The following CHL1 variants were observed in gnomAD, a reference collection of about 807,000 sequenced individuals.
The protein encoded by CHL1 is cell adhesion molecule L1 like, also known as neural cell adhesion molecule L1-like protein.
Under a neutral mutation model 141.9 loss-of-function variants are expected in CHL1, and 96 were observed. The ratio of observed to expected loss-of-function variants is 0.68; its 90% CI spans 0.57 to 0.80. The LOEUF is 0.80. CHL1 is among the 30% of genes least tolerant of loss of function. The pLI is 0.00. For synonymous variants in CHL1, 613 were observed against 502.2 expected (o/e 1.22, Z -2.95); for missense variants, 1,820 against 1,457.2 (o/e 1.25, Z -4.05).
intron 5 of CHL1, 141 bp from the exon 6 acceptor site, chr3:340,652 AG>A: frequency 1.5e-6 from 1 of 662,692 alleles, no homozygotes; most frequent in Non-Finnish European, 2.5e-6. Flanking sequence ...TTAACTCTGA[AG>A]GGGAGATGTA....
intron 2 of CHL1, among the ~76,000 whole-genome samples, chr3:314,087 T>A (rs1238018668): frequency 6.6e-6 from 1 of 151,922 alleles, no homozygotes; most frequent in Non-Finnish European, 1.5e-5. Context: ...TTTTTTCTGT[T>A]TGTTTTTTAT....
At chr3:308,510 T>C (rs557672008) in intron 2 of CHL1, among the ~76,000 whole-genome samples, 1 of 151,948 alleles carries the variant, frequency 6.6e-6, no homozygotes, top group South Asian at 2.1e-4. Flanking sequence ...TTGGGAGATA[T>C]AGATAGACAG....
At chr3:331,592 A>T (rs1376810352) in intron 5 of CHL1, among the ~76,000 whole-genome samples, 2 of 152,246 alleles carry the variant, frequency 1.3e-5, no homozygotes, top group African/African-American at 4.8e-5. Flanking sequence ...AATCATCAAG[A>T]ATACATTCTC....
At chr3:330,451 T>A (rs1341009823) in intron 5 of CHL1, among the ~76,000 whole-genome samples, 1 of 152,034 alleles carries the variant, frequency 6.6e-6, no homozygotes, top group Admixed American at 6.6e-5. Flanking sequence ...AATGAGCTAA[T>A]TTAAGGCAAC....
chr3:309,385 TTCCTTCC>T (rs565254515), intron 2 of CHL1: 7,312 of 141,126 alleles, frequency 0.052, 344 homozygotes, highest in African/African-American at 0.13. Flanking sequence ...CCTTCCTTCC[TTCCTTCC>T]TCCTTCCTTC....
chr3:389,253 C>T lies in CHL1; in HGVS notation c.2249C>T (p.Pro750Leu). Residue 750 changes from proline to leucine, a missense_variant and splice_region_variant, in exon 20 of 28, where the codon CCT becomes CTT. Physicochemically the swap from Pro to Leu is moderately conservative, Grantham distance 98. Coordinates refer to ENST00000256509, the MANE Select transcript of CHL1 (RefSeq NM_006614.4). The part of the protein sequence containing the change: ...QPKEMIIKWE[P>L]LKSMEQNGPG... The stretch of plus-strand genomic sequence containing the variant: ...AATGAGTCTTGCCTTCTGTTTTAGC[C>T]TTTGAAATCCATGGAGCAGAATGGA... 1.3e-6 allele frequency: 2 copies of T among 1,599,846 alleles called. No homozygotes were observed. Among genetic ancestry groups the T allele is most frequent in the Non-Finnish European group, 1.7e-6 (2 of 1,172,480 alleles).
intron 6 of CHL1, 135 bp downstream of exon 6, chr3:341,051 C>T: frequency 1.1e-6 from 1 of 889,650 alleles, no homozygotes; most frequent in South Asian, 1.7e-5. Context: ...GGAGATGCTA[C>T]TAATATGATA....
chr3:290,580 C>A, intron 2 of CHL1, among the ~76,000 whole-genome samples: 1 of 152,128 alleles, frequency 6.6e-6, no homozygotes, highest in East Asian at 1.9e-4. Context: ...GCCTGACTAA[C>A]ATAATTTAGG....
intron 1 of CHL1, among the ~76,000 whole-genome samples, chr3:236,497 G>C (rs1045121968): frequency 2.0e-5 from 3 of 152,130 alleles, no homozygotes; most frequent in Admixed American, 2.0e-4. Flanking sequence ...TCATTTCTAT[G>C]AATAAACTAT....
chr3:329,827 G>A (rs1701300789), intron 5 of CHL1, among the ~76,000 whole-genome samples: 1 of 152,034 alleles, frequency 6.6e-6, no homozygotes, highest in Admixed American at 6.6e-5. Context: ...AGTCATAACA[G>A]ACTTTATTTG....
rs191567011 is a variant in CHL1 at position 227,531 on chromosome 3, C to G, written c.-174-17082C>G. Among the ~76,000 whole-genome samples, 261 of 152,220 alleles carry G rather than the reference C, an allele frequency of 1.7e-3. 2 individuals carry two copies. Among genetic ancestry groups the G allele is most frequent in the Middle Eastern group, 0.01 (3 of 294 alleles). ...CAATAGGTGATATGCATGTGGAGAA[C>G]AAATACAAAAGGCATGCATAGAAAT... On this transcript the variant is annotated intron_variant, in intron 1 of 27. Coordinates refer to ENST00000256509, the MANE Select transcript of CHL1 (RefSeq NM_006614.4).
At chr3:376,180 G>C (rs769387426) in intron 15 of CHL1, among the ~76,000 whole-genome samples, 17 of 152,154 alleles carry the variant, frequency 1.1e-4, no homozygotes, top group Non-Finnish European at 2.2e-4. Flanking sequence ...CATAATGTGA[G>C]GGAGGAATAA....
At chr3:294,814 T>C (rs1046515752) in intron 2 of CHL1, among the ~76,000 whole-genome samples, 3 of 152,204 alleles carry the variant, frequency 2.0e-5, no homozygotes, top group African/African-American at 7.2e-5. Context: ...TTTTGAGCTA[T>C]TCACCAGTGA....
At chr3:228,487 A>C (rs910208457) in intron 1 of CHL1, among the ~76,000 whole-genome samples, 1 of 152,146 alleles carries the variant, frequency 6.6e-6, no homozygotes, top group African/African-American at 2.4e-5. Context: ...GTACACACAC[A>C]CACACACACA....
At chr3:246,910 GCAGAAGAT>G in intron 2 of CHL1, 1 of 152,042 alleles carries the variant, frequency 6.6e-6, no homozygotes, top group East Asian at 1.9e-4. Context: ...CATTTTTGCT[GCAGAAGAT>G]CATGATAAAA....
intron 9 of CHL1, among the ~76,000 whole-genome samples, chr3:345,204 G>A (rs1184943715): frequency 6.6e-6 from 1 of 151,950 alleles, no homozygotes; most frequent in African/African-American, 2.4e-5. Context: ...GAGGTTGTTG[G>A]TAGTCAGTCC....
chr3:303,126 G>T (rs1698908398), intron 2 of CHL1, among the ~76,000 whole-genome samples: 1 of 152,138 alleles, frequency 6.6e-6, no homozygotes, highest in African/African-American at 2.4e-5. Context: ...CCAGTACCAT[G>T]CTGTTTTGGT....
chr3:217,145 T>C (rs975196886), intron 1 of CHL1, among the ~76,000 whole-genome samples: 3 of 152,020 alleles, frequency 2.0e-5, no homozygotes, highest in African/African-American at 7.3e-5. Flanking sequence ...TTGGTTTGAT[T>C]ATTAATAGAT....
chr3:222,382 C>T (rs543969305), intron 1 of CHL1, among the ~76,000 whole-genome samples: 1 of 152,200 alleles, frequency 6.6e-6, no homozygotes, highest in South Asian at 2.1e-4. Flanking sequence ...AATGAAGCCA[C>T]AATAAGGCAT....
Sources: allele counts gnomAD v4.1 joint callset (sites outside exome capture counted in the v4.1 genomes callset), GRCh38; gene constraint gnomAD v4.1.1; transcripts MANE v1.5; gene names NCBI Gene and HGNC (gene_info 2026-07-23, HGNC 2026-07-21).